The following RSPH14 variants were observed in gnomAD, a reference collection of about 807,000 sequenced individuals.
The protein encoded by RSPH14 is rhabdoid tumor deletion region gene 1.
Under a neutral mutation model 26.7 loss-of-function variants are expected in RSPH14, and 20 were observed. That is an observed-to-expected ratio of 0.75 (90% CI 0.53 to 1.09). The LOEUF (loss-of-function observed/expected upper bound fraction) is 1.09. RSPH14 is among the 50% of genes least tolerant of loss of function. RSPH14 has a pLI of 0.00. For synonymous variants in RSPH14, 177 were observed against 189.3 expected (o/e 0.93, Z 0.53); for missense variants, 449 against 457.2 (o/e 0.98, Z 0.16).
At chr22:23,066,068 C>T (rs1222867356) in intron 4 of RSPH14, among the ~76,000 whole-genome samples, 1 of 152,174 alleles carries the variant, frequency 6.6e-6, no homozygotes, top group Non-Finnish European at 1.5e-5. Context: ...ACCTGGACGG[C>T]CCTCTTCCAG....
chr22:23,109,871 C>G (rs1292089901), intron 4 of RSPH14, among the ~76,000 whole-genome samples: 2 of 152,196 alleles, frequency 1.3e-5, no homozygotes, highest in African/African-American at 4.8e-5. Context: ...CAGGTACCAG[C>G]CCCCCACCTC....
At chr22:23,123,392 C>A (rs201031515) in intron 4 of RSPH14, 6 of 1,613,870 alleles carry the variant, frequency 3.7e-6, no homozygotes, top group Non-Finnish European at 5.1e-6. Flanking sequence ...TGACAGACGT[C>A]ATCATACAGA....
At chr22:23,127,251 G>A (rs916585) in intron 4 of RSPH14, among the ~76,000 whole-genome samples, 73,736 of 151,654 alleles carry the variant, frequency 0.49, 18,504 homozygotes, top group Middle Eastern at 0.58. Context: ...ACCTCACCCT[G>A]GATGAGCTCA....
intron 4 of RSPH14, among the ~76,000 whole-genome samples, chr22:23,132,221 C>A (rs2070372277): frequency 6.6e-6 from 1 of 152,168 alleles, no homozygotes. Flanking sequence ...GCAGAGGGAA[C>A]CCAGGTTCAT....
chr22:23,061,675 C>T (rs531067247), intron 6 of RSPH14, 134 bp downstream of exon 6: 22 of 1,169,136 alleles, frequency 1.9e-5, no homozygotes, highest in Admixed American at 2.4e-5. Context: ...CAGTGATAGG[C>T]CAAGGGGAGG....
rs564106921 is a variant in RSPH14, at chr22:23,109,263, C to T, written c.421+24763G>A. 1.7e-3 allele frequency among the ~76,000 whole-genome samples: 252 copies of T among 152,262 alleles called. 1 individual carries two copies. Among genetic ancestry groups the T allele is most frequent in the African/African-American group, 4.5e-3 (185 of 41,570 alleles). On this transcript the variant is annotated intron_variant, in intron 4 of 6. Transcript: ENST00000216036. ...GCCCAAGTGAGCCTGGCAGCAGAGC[C>T]GAGGGCAGCCCCACCAAAGCCACGG... is the stretch of plus-strand genomic sequence containing the variant.
Position 23,140,430 on chromosome 22 carries a change from A to G in RSPH14, c.-10T>C, listed in dbSNP as rs565665215. The G allele has an allele frequency of 5.6e-5, 90 of 1,613,682 alleles. No individual in the cohort carries two copies. Among genetic ancestry groups the G allele is most frequent in the Non-Finnish European group, 1.6e-5 (19 of 1,179,880 alleles). On this transcript the variant is annotated 5_prime_UTR_variant, in exon 2 of 7. Transcript: ENST00000216036. ...TCTGGGAATGGGCCATCTTTCCCCAACTACAGAGGCCTTTCCAAATGAAGC... is the reference window on the plus strand; with the variant it reads ...TCTGGGAATGGGCCATCTTTCCCCAGCTACAGAGGCCTTTCCAAATGAAGC...
intron 4 of RSPH14, among the ~76,000 whole-genome samples, chr22:23,083,075 GAA>G (rs2068724948): frequency 6.6e-6 from 1 of 152,138 alleles, no homozygotes; most frequent in Non-Finnish European, 1.5e-5. Flanking sequence ...GTGGGCAGGA[GAA>G]GTTTCAGGAA....
At chr22:23,084,896 C>T (rs1434777026) in intron 4 of RSPH14, among the ~76,000 whole-genome samples, 1 of 152,230 alleles carries the variant, frequency 6.6e-6, no homozygotes, top group Non-Finnish European at 1.5e-5. Flanking sequence ...GTCACCCTAC[C>T]ATCGCATGTC....
At chr22:23,079,239 C>T (rs553904733) in intron 4 of RSPH14, among the ~76,000 whole-genome samples, 5 of 152,164 alleles carry the variant, frequency 3.3e-5, no homozygotes, top group East Asian at 1.9e-4. Context: ...TGGCTGTGTG[C>T]GAATATGGGG....
intron 4 of RSPH14, among the ~76,000 whole-genome samples, chr22:23,069,605 G>T (rs1453646254): frequency 5.3e-5 from 8 of 152,162 alleles, no homozygotes; most frequent in Non-Finnish European, 8.8e-5. Context: ...TGTCTGGGCT[G>T]GGGGCCAGCT....
At chr22:23,161,446 G>T in the RSPH14 span, 1 of 1,465,570 alleles carries the variant, frequency 6.8e-7, no homozygotes, top group Non-Finnish European at 9.5e-7. Context: ...CCCCTGCCCA[G>T]TGTCAGCTAC....
chr22:23,072,302 AGTGGGGGT>A (rs556607046), intron 4 of RSPH14, among the ~76,000 whole-genome samples: 2 of 152,224 alleles, frequency 1.3e-5, no homozygotes, highest in East Asian at 3.9e-4. Context: ...TACGGGGTGC[AGTGGGGGT>A]GTGGATGGCC....
At chr22:23,132,277 T>C (rs2070373108) in intron 4 of RSPH14, among the ~76,000 whole-genome samples, 1 of 152,208 alleles carries the variant, frequency 6.6e-6, no homozygotes, top group South Asian at 2.1e-4. Flanking sequence ...TGAGCTAAGG[T>C]ATCCGCTTCA....
the RSPH14 span, chr22:23,158,751 T>C: frequency 1.1e-5 from 8 of 703,240 alleles, no homozygotes; most frequent in Non-Finnish European, 2.0e-5. Context: ...AGGTGCAGCA[T>C]CCTGCTCAGC....
chr22:23,078,558 C>T (rs548866518), intron 4 of RSPH14, among the ~76,000 whole-genome samples: 1 of 152,358 alleles, frequency 6.6e-6, no homozygotes, highest in African/African-American at 2.4e-5. Flanking sequence ...GCTGGCTGTT[C>T]TGGGGCTCTC....
chr22:23,131,675 T>A lies in RSPH14; in HGVS notation c.421+2351A>T, dbSNP rs9620217. ...ACTAGACCCTCGCTTATTCCTCAGG[T>A]TCCTGCATGGTGAGCACAGGGCATT... On this transcript the variant is annotated intron_variant, in intron 4 of 6. Transcript: ENST00000216036. The A allele has an allele frequency of 7.2e-4, 938 of 1,299,916 alleles. 9 individuals carry two copies. In the African/African-American group the frequency reaches 0.013, roughly 18 times the overall value. The allele number at this position is 1,299,916 out of a possible 1,614,324, so 80.5% of individuals were successfully genotyped here.
chr22:23,150,269 A>C, the RSPH14 span: 3 of 771,676 alleles, frequency 3.9e-6, no homozygotes, highest in Non-Finnish European at 6.3e-6. Context: ...AGCCCTGTAC[A>C]GGCCTGAAGA....
intron 3 of RSPH14, among the ~76,000 whole-genome samples, chr22:23,138,487 A>G (rs971329510): frequency 6.6e-6 from 1 of 151,976 alleles, no homozygotes; most frequent in Admixed American, 6.6e-5. Flanking sequence ...CTTGAACCCA[A>G]AGAGGCAGGG....
Sources: gnomAD v4.1 joint callset for allele counts (sites outside exome capture counted in the v4.1 genomes callset) on GRCh38, gnomAD v4.1.1 for gene constraint, MANE v1.5 for transcripts, NCBI Gene and HGNC (gene_info 2026-07-23, HGNC 2026-07-21) for gene names.